Variants in ZNF454 observed in about 807,000 individuals in gnomAD.
ZNF454 encodes zinc finger protein 454.
ZNF454 carries 30 observed loss-of-function variants against 48.2 expected under a neutral mutation model. The observed-to-expected ratio is 0.62, with a 90% CI of 0.47 to 0.84. The LOEUF (loss-of-function observed/expected upper bound fraction) is 0.84. ZNF454 is among the 40% of genes least tolerant of loss of function. ZNF454 has a pLI of 0.00. For synonymous variants in ZNF454, 204 were observed against 211.4 expected (o/e 0.97, Z 0.30); for missense variants, 510 against 623.1 (o/e 0.82, Z 1.93).
Position 178,964,844 on chromosome 5 carries a change from C to A in ZNF454, c.440C>A (p.Thr147Asn). Residue 147 changes from threonine (T) to asparagine (N), a missense_variant, in exon 5 of 5, where the codon ACC (threonine) becomes AAC (asparagine). Physicochemically the swap from Thr to Asn is moderately conservative, Grantham distance 65. Coordinates refer to ENST00000519564, the MANE Select transcript of ZNF454 (RefSeq NM_001178089.3). ...LQRVVLTHPN[T>N]PSQECDESGS... Reference sequence around the variant, plus strand: ...CGAGTGGTACTCACTCACCCCAACACCCCATCACAGGAATGTGATGAATCC... The same window carrying A: ...CGAGTGGTACTCACTCACCCCAACAACCCATCACAGGAATGTGATGAATCC... 1 of 1,614,170 alleles carries A rather than the reference C, an allele frequency of 6.2e-7. No individual in the cohort carries two copies. Among genetic ancestry groups the A allele is most frequent in the Non-Finnish European group, 8.5e-7 (1 of 1,180,036 alleles).
chr5:178,958,712 C>T (rs1201804831), intron 4 of ZNF454, among the ~76,000 whole-genome samples: 2 of 152,204 alleles, frequency 1.3e-5, no homozygotes, highest in African/African-American at 2.4e-5. Flanking sequence ...GCAAGGTTTC[C>T]ATATCAACTC....
intron 4 of ZNF454, among the ~76,000 whole-genome samples, chr5:178,952,136 C>A (rs927430496): frequency 2.0e-5 from 3 of 150,708 alleles, no homozygotes; most frequent in Non-Finnish European, 4.4e-5. Context: ...CTCCCGGGTT[C>A]ACGCCATTCT....
the ZNF454 span, chr5:178,981,875 C>G: frequency 6.8e-7 from 1 of 1,473,902 alleles, no homozygotes; most frequent in South Asian, 1.1e-5. The surrounding 1 kb of genome is among the most constrained non-coding windows in gnomAD (Gnocchi z 5.1). Flanking sequence ...GAAGAGGGGA[C>G]CAGATGGGAC....
chr5:178,985,143 C>A, the ZNF454 span: 1 of 377,674 alleles, frequency 2.6e-6, no homozygotes. Flanking sequence ...CCACACTGCC[C>A]CAGGGAGCAG....
intron 4 of ZNF454, among the ~76,000 whole-genome samples, chr5:178,959,495 C>A (rs994152501): frequency 6.6e-6 from 1 of 152,144 alleles, no homozygotes; most frequent in Admixed American, 6.5e-5. Context: ...ATTGGCTATT[C>A]AATTTTCACA....
At position 178,955,162 on chromosome 5, in the gene ZNF454, T is replaced by C. The variant is rs1759698054; in HGVS notation, c.250+8176T>C. Among the ~76,000 whole-genome samples the C allele has an allele frequency of 2.0e-5, 3 of 152,242 alleles. No homozygotes were observed. In the South Asian group the frequency reaches 6.2e-4, roughly 32 times the overall value. ...AACTATTTTCAAAGCAACCATTCCA[T>C]TCTGTATTCCCACAGCCATGTATAT... On this transcript the variant is annotated intron_variant, in intron 4 of 4. Transcript: ENST00000519564.
the ZNF454 span, among the ~76,000 whole-genome samples, chr5:178,972,002 C>T: frequency 3.9e-5 from 6 of 152,172 alleles, no homozygotes; most frequent in African/African-American, 9.7e-5. Flanking sequence ...GGTGCAATCT[C>T]GGCTCCCTGT....
chr5:178,963,342 A>T lies in ZNF454; in HGVS notation c.251-1313A>T, dbSNP rs1433284115. Among the ~76,000 whole-genome samples the T allele has an allele frequency of 2.0e-5, 3 of 151,776 alleles. No homozygotes were observed. The South Asian group carries it at 6.2e-4, about 31-fold the overall frequency. On this transcript the variant is annotated intron_variant, in intron 4 of 4. Coordinates refer to ENST00000519564, the MANE Select transcript of ZNF454 (RefSeq NM_001178089.3). ...TTGGCAATACCGATGTTTAACTTTG[A>T]CCATTCTTTGTTTTGAACAAGGATA... is the stretch of plus-strand genomic sequence containing the variant.
At chr5:178,963,559 T>TCCCATCG (rs1257956163) in intron 4 of ZNF454, among the ~76,000 whole-genome samples, 1 of 151,728 alleles carries the variant, frequency 6.6e-6, no homozygotes, top group African/African-American at 2.4e-5. Context: ...TTCTCGTGAA[T>TCCCATCG]TCTGCATCGT....
At chr5:178,989,842 G>A in the ZNF454 span, 1 of 300,338 alleles carries the variant, frequency 3.3e-6, no homozygotes, top group Non-Finnish European at 6.5e-6. Context: ...ACAGGGAATG[G>A]TGGAACAAAG....
the ZNF454 span, chr5:178,982,869 G>C: frequency 7.1e-7 from 1 of 1,408,526 alleles, no homozygotes; most frequent in South Asian, 1.1e-5. Flanking sequence ...CAGCCTGACA[G>C]GCAGGAAACA....
Position 178,941,211 on chromosome 5 carries a change from A to C in ZNF454, c.-341A>C, listed in dbSNP as rs1035082356. ...CAAGCGCAGTTCGGCTCCCGGCTGC[A>C]GACTCCAGCTCATTGTGTTCTGACT... On this transcript the variant is annotated 5_prime_UTR_variant, in exon 1 of 5. Transcript: ENST00000519564. The surrounding 1 kb of genome is among the most constrained non-coding windows in gnomAD (Gnocchi z 5.5). The C allele has an allele frequency of 1.1e-5, 4 of 357,728 alleles. No individual in the cohort carries two copies. Among genetic ancestry groups the C allele is most frequent in the East Asian group, 7.5e-5 (1 of 13,348 alleles). 22.2% of individuals were successfully genotyped at this position (357,728 alleles called of 1,614,324 possible).
chr5:178,988,821 T>G, the ZNF454 span: 2 of 831,020 alleles, frequency 2.4e-6, no homozygotes, highest in East Asian at 2.7e-5. The surrounding 1 kb of genome is among the most constrained non-coding windows in gnomAD (Gnocchi z 6.0). Context: ...GGCACCCCCA[T>G]TAGACCACTC....
intron 1 of ZNF454, 138 bp from the exon 2 acceptor site, chr5:178,942,547 G>A (rs1187814393): frequency 2.0e-6 from 1 of 498,710 alleles, no homozygotes; most frequent in Non-Finnish European, 3.6e-6. Context: ...ACCCTCAGAA[G>A]GAGGAGAGAG....
chr5:178,964,303 G>C (rs1437765895), intron 4 of ZNF454, among the ~76,000 whole-genome samples: 1 of 151,962 alleles, frequency 6.6e-6, no homozygotes, highest in Admixed American at 6.6e-5. Context: ...TGCATTTTTA[G>C]TAGAGACGGG....
At chr5:178,989,215 T>G in the ZNF454 span, 1 of 886,718 alleles carries the variant, frequency 1.1e-6, no homozygotes, top group East Asian at 3.3e-5. Context: ...CTCCCCACCC[T>G]CACCACCCTC....
At chr5:178,945,542 G>T (rs1759295420) in intron 2 of ZNF454, among the ~76,000 whole-genome samples, 2 of 149,048 alleles carry the variant, frequency 1.3e-5, no homozygotes, top group Admixed American at 1.3e-4. Flanking sequence ...TGTGGGTATG[G>T]GTCTGTGTTT....
chr5:178,949,965 A>C (rs931282352), intron 4 of ZNF454, among the ~76,000 whole-genome samples: 6 of 151,956 alleles, frequency 3.9e-5, no homozygotes, highest in African/African-American at 9.7e-5. Context: ...ATAGAGAGCA[A>C]TGATAATAGG....
the ZNF454 span, chr5:178,983,089 C>T: frequency 2.1e-4 from 343 of 1,614,022 alleles, 3 homozygotes; most frequent in East Asian, 5.6e-3. Context: ...CCCAGGCAGC[C>T]GATGAGAGAC....
Sources: gnomAD v4.1 joint callset for allele counts (sites outside exome capture counted in the v4.1 genomes callset) on GRCh38, gnomAD v4.1.1 for gene constraint, Gnocchi (gnomAD v3.1) non-coding constraint, MANE v1.5 for transcripts, NCBI Gene and HGNC (gene_info 2026-07-23, HGNC 2026-07-21) for gene names.